Variants in SYNE2 observed in about 807,000 individuals in gnomAD.
SYNE2 encodes spectrin repeat containing nuclear envelope protein 2.
SYNE2 carries 431 observed loss-of-function variants against 856.3 expected under a neutral mutation model. The ratio of observed to expected loss-of-function variants is 0.50; its 90% CI spans 0.47 to 0.55. The LOEUF is 0.55. Among genes scored for constraint, SYNE2 ranks in the 20% least tolerant of loss-of-function variants. SYNE2 has a pLI of 0.00. For missense variants in SYNE2, 8,129 were observed against 8,023.2 expected, an observed-to-expected ratio of 1.01 and a Z score of -0.50; for synonymous variants, 2,923 against 2,872.3, an observed-to-expected ratio of 1.02 and a Z score of -0.56.
At chr14:64,012,463 T>G (rs1275507013) in intron 32 of SYNE2, among the ~76,000 whole-genome samples, 1 of 152,226 alleles carries the variant, frequency 6.6e-6, no homozygotes, top group East Asian at 1.9e-4. Context: ...TTTAACTGTT[T>G]CAATCACTGC....
chr14:64,171,375 G>A (rs1364092200), intron 94 of SYNE2, among the ~76,000 whole-genome samples: 1 of 152,120 alleles, frequency 6.6e-6, no homozygotes, highest in Non-Finnish European at 1.5e-5. Flanking sequence ...GAAGACCTTC[G>A]CTCTCATAAG....
At chr14:63,952,187 G>A (rs2153433460) in intron 7 of SYNE2, among the ~76,000 whole-genome samples, 1 of 152,238 alleles carries the variant, frequency 6.6e-6, no homozygotes, top group Non-Finnish European at 1.5e-5. Context: ...CACCCTCTAA[G>A]GTCTGGCAGC....
rs77917615 is a variant in SYNE2, at chr14:64,140,870, G to A, written c.14977-471G>A. 3.9e-3 allele frequency among the ~76,000 whole-genome samples: 586 copies of A among 151,600 alleles called. 11 individuals are homozygous for A. The East Asian group carries it at 0.048, about 12-fold the overall frequency. ...TTATTGGTCAATGCATTTATGAAAC[G>A]TAGTCTTTTCTGTTAGACTTTTCCT... On this transcript the variant is annotated intron_variant, in intron 80 of 115. Transcript: ENST00000555002.
chr14:63,860,481 A>G (rs1391314280), intron 1 of SYNE2, among the ~76,000 whole-genome samples: 2 of 152,264 alleles, frequency 1.3e-5, no homozygotes, highest in African/African-American at 2.4e-5. Flanking sequence ...AGCACTTGCT[A>G]ATAGCCCCTC....
intron 1 of SYNE2, among the ~76,000 whole-genome samples, chr14:63,811,138 A>G (rs1467740206): frequency 6.6e-6 from 1 of 151,950 alleles, no homozygotes; most frequent in Non-Finnish European, 1.5e-5. Context: ...CCTGGCCTAT[A>G]GTGAATATTC....
At chr14:63,882,921 T>C (rs2094898322) in intron 1 of SYNE2, among the ~76,000 whole-genome samples, 1 of 152,050 alleles carries the variant, frequency 6.6e-6, no homozygotes, top group Admixed American at 6.6e-5. Flanking sequence ...TTATTATCCA[T>C]GTCAGAGAAG....
chr14:63,761,886 G>A (rs1023840171), upstream of SYNE2: 2 of 214,776 alleles, frequency 9.3e-6, no homozygotes, highest in Non-Finnish European at 2.0e-5. Flanking sequence ...CAGCCCGAGC[G>A]GCGGCGGCAG....
At chr14:64,185,133 C>G (rs2098482177) in intron 96 of SYNE2, among the ~76,000 whole-genome samples, 1 of 152,130 alleles carries the variant, frequency 6.6e-6, no homozygotes, top group African/African-American at 2.4e-5. Flanking sequence ...TGGTGCGTGC[C>G]TATAGTCTCA....
intron 32 of SYNE2, among the ~76,000 whole-genome samples, chr14:64,010,367 G>C (rs1269485673): frequency 6.6e-6 from 1 of 152,124 alleles, no homozygotes; most frequent in Non-Finnish European, 1.5e-5. Context: ...GCTCACCCCT[G>C]CTGCCACCTC....
chr14:64,073,024 G>A (rs2097424824), intron 52 of SYNE2, among the ~76,000 whole-genome samples: 2 of 152,166 alleles, frequency 1.3e-5, no homozygotes, highest in Non-Finnish European at 2.9e-5. Context: ...GCTCTCTCTA[G>A]GTGGTGGAAC....
At chr14:64,162,385 G>A in intron 88 of SYNE2, 109 bp downstream of exon 88, 1 of 1,181,668 alleles carries the variant, frequency 8.5e-7, no homozygotes, top group South Asian at 1.3e-5. Flanking sequence ...GAGTAGTCAG[G>A]ACAGGTGCTG....
At chr14:63,859,951 C>T (rs1893057820) in intron 1 of SYNE2, among the ~76,000 whole-genome samples, 1 of 122,918 alleles carries the variant, frequency 8.1e-6, no homozygotes, top group Non-Finnish European at 1.7e-5. Flanking sequence ...TTCCTTCCCT[C>T]CCTCCCTCCC....
In SYNE2 at chr14:64,051,592, T is replaced by C. The variant is rs2097227362; in HGVS notation, c.7679T>C (p.Ile2560Thr). Residue 2560 changes from isoleucine to threonine, a missense_variant, in exon 48 of 116, where the codon ATT (isoleucine) becomes ACT (threonine). Coordinates refer to ENST00000555002, the MANE Select transcript of SYNE2 (RefSeq NM_182914.3). ...PLDSVTYLDKIKKFIASIEKE... is the reference protein window; with the variant it reads ...PLDSVTYLDKTKKFIASIEKE... The stretch of plus-strand genomic sequence containing the variant: ...GACAGTGTAACGTATCTGGACAAAA[T>C]TAAAAAATTCATAGCATCCATAGAA... The C allele has an allele frequency of 3.1e-6, 5 of 1,613,586 alleles. No individual in the cohort carries two copies. In the East Asian group the frequency reaches 1.1e-4, roughly 36 times the overall value.
chr14:63,809,658 A>T (rs939449546), intron 1 of SYNE2, among the ~76,000 whole-genome samples: 3 of 151,988 alleles, frequency 2.0e-5, no homozygotes, highest in African/African-American at 7.2e-5. Flanking sequence ...TGCCACCATG[A>T]TCGGCTAATT....
chr14:64,136,790 A>G (rs926485479), intron 78 of SYNE2, among the ~76,000 whole-genome samples: 38 of 152,204 alleles, frequency 2.5e-4, no homozygotes, highest in Non-Finnish European at 5.1e-4. Context: ...TCTCATGGAT[A>G]ATAGAGAAAT....
chr14:64,214,124 C>G, intron 105 of SYNE2, 70 bp from the exon 106 acceptor site: 1 of 1,612,512 alleles, frequency 6.2e-7, no homozygotes, highest in Non-Finnish European at 8.5e-7. Flanking sequence ...GATAGGCAGA[C>G]TTCTCATGCT....
In SYNE2 at chr14:64,162,186, G is replaced by T; in HGVS notation, c.16209G>T (p.Gln5403His). Reference sequence around the variant, plus strand: ...GTGAAGCTGCCGCAAGGCTGAAGCAGCAGGAAGCAAAGTTTCAACAGCTCG... The same window carrying T: ...GTGAAGCTGCCGCAAGGCTGAAGCATCAGGAAGCAAAGTTTCAACAGCTCG... ...AHGEAAARLK[Q>H]QEAKFQQLAN... Residue 5403 changes from glutamine (Q) to histidine (H), a missense_variant, in exon 88 of 116, where the codon CAG becomes CAT. Coordinates refer to ENST00000555002, the MANE Select transcript of SYNE2 (RefSeq NM_182914.3). 2 of 1,614,256 alleles carry T rather than the reference G, an allele frequency of 1.2e-6. No homozygotes were observed. The highest frequency in any genetic ancestry group is 1.3e-5 in the African/African-American group (1 of 75,064).
intron 19 of SYNE2, among the ~76,000 whole-genome samples, chr14:63,989,061 A>G (rs2096647301): frequency 6.6e-6 from 1 of 152,240 alleles, no homozygotes. Flanking sequence ...TACATGTAAT[A>G]TTGAACTATC....
At chr14:63,861,517 A>G (rs890678434) in intron 1 of SYNE2, among the ~76,000 whole-genome samples, 1 of 151,694 alleles carries the variant, frequency 6.6e-6, no homozygotes, top group African/African-American at 2.4e-5. Flanking sequence ...TAGGCTGGGC[A>G]CTGTAGCATA....
Sources: gnomAD v4.1 joint callset for allele counts (sites outside exome capture counted in the v4.1 genomes callset) on GRCh38, gnomAD v4.1.1 for gene constraint, MANE v1.5 for transcripts, NCBI Gene and HGNC (gene_info 2026-07-23, HGNC 2026-07-21) for gene names.